Variants in C6orf89 observed in about 807,000 individuals in gnomAD.
C6orf89 encodes chromosome 6 open reading frame 89.
A neutral mutation model predicts 40.7 loss-of-function variants in C6orf89; 29 were observed. That is an observed-to-expected ratio of 0.71 (90% CI 0.53 to 0.97). The LOEUF (loss-of-function observed/expected upper bound fraction) is 0.97. Among genes scored for constraint, C6orf89 ranks in the 50% least tolerant of loss-of-function variants. The pLI is 0.00. For synonymous variants in C6orf89, 165 were observed against 152.2 expected (o/e 1.08, Z -0.62); for missense variants, 392 against 429.1 (o/e 0.91, Z 0.76).
At chr6:36,906,029 C>T (rs1467706605) in intron 4 of C6orf89, among the ~76,000 whole-genome samples, 1 of 152,172 alleles carries the variant, frequency 6.6e-6, no homozygotes, top group East Asian at 1.9e-4. Flanking sequence ...TGGTCATTTT[C>T]TGGCCAACTT....
At position 36,926,154 on chromosome 6, in the gene C6orf89, G is replaced by C. The variant is rs1413499695; in HGVS notation, c.*2713G>C. On this transcript the variant is annotated 3_prime_UTR_variant, in exon 9 of 9. Transcript: ENST00000480824. Reference sequence around the variant, plus strand: ...TCCTGAGCTCTCCAGCAGTCAAGTAGTGAATGGATACCATACTTATTATGG... The same window carrying C: ...TCCTGAGCTCTCCAGCAGTCAAGTACTGAATGGATACCATACTTATTATGG... 6.6e-6 allele frequency: 1 copy of C among 152,220 alleles called. No individual in the cohort carries two copies. The highest frequency in any genetic ancestry group is 2.1e-4 in the South Asian group (1 of 4,834). 9.4% of individuals were successfully genotyped at this position (152,220 alleles called of 1,614,324 possible). A position where few individuals can be genotyped will look rare whatever the true frequency, so the allele number is the denominator to read the frequency against.
At chr6:36,887,191 T>G (rs537234156) in intron 1 of C6orf89, among the ~76,000 whole-genome samples, 192 of 152,064 alleles carry the variant, frequency 1.3e-3, no homozygotes, top group Non-Finnish European at 1.3e-3. Context: ...CTCTGCTCAC[T>G]GCAAGCTCCG....
At chr6:36,909,215 C>T (rs1762034557) in intron 4 of C6orf89, among the ~76,000 whole-genome samples, 1 of 143,692 alleles carries the variant, frequency 7.0e-6, no homozygotes, top group Non-Finnish European at 1.5e-5. Flanking sequence ...AAAATATGTA[C>T]CTGAGAGATT....
chr6:36,901,318 A>T (rs9296201), intron 3 of C6orf89, among the ~76,000 whole-genome samples: 644 of 63,968 alleles, frequency 0.01, 5 homozygotes, highest in Non-Finnish European at 0.014. Flanking sequence ...TATTATTATT[A>T]TTATTTTTTT....
chr6:36,897,542 T>C (rs1561862855), intron 2 of C6orf89, among the ~76,000 whole-genome samples: 1 of 152,254 alleles, frequency 6.6e-6, no homozygotes, highest in Non-Finnish European at 1.5e-5. Flanking sequence ...GGTGGGCTCT[T>C]CTCTCATTCC....
At chr6:36,890,508 A>G (rs989165668) in intron 1 of C6orf89, among the ~76,000 whole-genome samples, 1 of 151,712 alleles carries the variant, frequency 6.6e-6, no homozygotes, top group African/African-American at 2.4e-5. Flanking sequence ...ATAATATTCC[A>G]TTGTATGTAT....
intron 1 of C6orf89, among the ~76,000 whole-genome samples, 198 bp downstream of exon 1, chr6:36,886,226 T>G (rs1253341310): frequency 6.6e-6 from 1 of 152,186 alleles, no homozygotes. Flanking sequence ...TCGACTCCCT[T>G]AAGACATCTG....
intron 3 of C6orf89, among the ~76,000 whole-genome samples, chr6:36,901,605 A>T (rs980362844): frequency 6.7e-6 from 1 of 148,396 alleles, no homozygotes; most frequent in Admixed American, 6.7e-5. Context: ...AAGTGCTGGG[A>T]TTACAGGCGT....
chr6:36,902,213 C>T lies in C6orf89; in HGVS notation c.190-8C>T. ...TGGGATTAATGCCTTTTCTATCTTTCCTTGTAGGTTCTCGCAACCTTGGGA... is the reference window on the plus strand; with the variant it reads ...TGGGATTAATGCCTTTTCTATCTTTTCTTGTAGGTTCTCGCAACCTTGGGA... On this transcript the variant is annotated splice_polypyrimidine_tract_variant and splice_region_variant and intron_variant, in intron 3 of 8. Coordinates refer to ENST00000480824, the MANE Select transcript of C6orf89 (RefSeq NM_001286635.2). 6.2e-7 allele frequency: 1 copy of T among 1,612,908 alleles called. No individual in the cohort carries two copies. Among genetic ancestry groups the T allele is most frequent in the Non-Finnish European group, 8.5e-7 (1 of 1,179,054 alleles).
chr6:36,901,321 ATTTTT>A (rs60381134), intron 3 of C6orf89, among the ~76,000 whole-genome samples: 7 of 19,020 alleles, frequency 3.7e-4, no homozygotes, highest in African/African-American at 1.0e-3. Context: ...TATTATTATT[ATTTTT>A]TTTTTTTTTT....
At chr6:36,921,489 C>T (rs899567866) in intron 8 of C6orf89, among the ~76,000 whole-genome samples, 5 of 152,028 alleles carry the variant, frequency 3.3e-5, no homozygotes, top group Admixed American at 3.3e-4. Context: ...CACCAGAAAA[C>T]CTTTTGGGGG....
At chr6:36,909,412 C>T (rs1386687102) in intron 4 of C6orf89, among the ~76,000 whole-genome samples, 2 of 152,050 alleles carry the variant, frequency 1.3e-5, no homozygotes, top group African/African-American at 4.8e-5. Flanking sequence ...TGGATGTTGT[C>T]AATGTTTTGC....
intron 1 of C6orf89, among the ~76,000 whole-genome samples, chr6:36,876,013 T>C (rs116591070): frequency 1.6e-3 from 244 of 152,350 alleles, no homozygotes; most frequent in African/African-American, 5.4e-3. Context: ...GAATGAATAA[T>C]GAACGGAACA....
rs1270961630 is a variant in C6orf89 at position 36,924,204 on chromosome 6, C to G, written c.*763C>G. On this transcript the variant is annotated 3_prime_UTR_variant, in exon 9 of 9. Transcript: ENST00000480824. Reference sequence around the variant, plus strand: ...GAAGCTCGGCCCTAGTCCTCCCTGCCTTGGCGGGGCCAGAGCCCACTACTG... The same window carrying G: ...GAAGCTCGGCCCTAGTCCTCCCTGCGTTGGCGGGGCCAGAGCCCACTACTG... 6.5e-6 allele frequency: 1 copy of G among 154,578 alleles called. No individual in the cohort carries two copies. Among genetic ancestry groups the G allele is most frequent in the Non-Finnish European group, 1.4e-5 (1 of 69,594 alleles). 9.6% of individuals were successfully genotyped at this position (154,578 alleles called of 1,614,324 possible). A position where few individuals can be genotyped will look rare whatever the true frequency, so the allele number is the denominator to read the frequency against.
intron 8 of C6orf89, among the ~76,000 whole-genome samples, chr6:36,922,170 C>T (rs1487616926): frequency 1.3e-5 from 2 of 151,890 alleles, no homozygotes; most frequent in African/African-American, 4.8e-5. Context: ...GAAACCCCGT[C>T]TCTACTAAAA....
chr6:36,882,791 G>A (rs369509072), upstream of C6orf89, among the ~76,000 whole-genome samples: 344 of 138,444 alleles, frequency 2.5e-3, no homozygotes, highest in African/African-American at 9.0e-3. Flanking sequence ...ACTGCGGACT[G>A]CAGTGGCGCA....
At chr6:36,919,807 A>T in intron 8 of C6orf89, 106 bp downstream of exon 8, 1 of 1,183,378 alleles carries the variant, frequency 8.5e-7, no homozygotes, top group East Asian at 2.6e-5. Flanking sequence ...TATTTAGTAG[A>T]ATCAAAAATA....
intron 4 of C6orf89, among the ~76,000 whole-genome samples, chr6:36,908,206 G>T (rs1468453166): frequency 6.6e-6 from 1 of 152,188 alleles, no homozygotes; most frequent in Non-Finnish European, 1.5e-5. Flanking sequence ...CAGGTGGATG[G>T]CATAGGCTAC....
At chr6:36,906,073 T>G (rs1477390642) in intron 4 of C6orf89, among the ~76,000 whole-genome samples, 1 of 152,240 alleles carries the variant, frequency 6.6e-6, no homozygotes, top group South Asian at 2.1e-4. Context: ...TGAGGAAGCC[T>G]GGGATAGTTC....
Sources: allele counts gnomAD v4.1 joint callset (sites outside exome capture counted in the v4.1 genomes callset), GRCh38; gene constraint gnomAD v4.1.1; transcripts MANE v1.5; gene names NCBI Gene and HGNC (gene_info 2026-07-23, HGNC 2026-07-21).